STOX2: variants seen among roughly 807,000 people sequenced by gnomAD.
STOX2 encodes storkhead box 2, also known as storkhead-box protein 2.
STOX2 carries 28 observed loss-of-function variants against 60.9 expected under a neutral mutation model. The observed-to-expected ratio is 0.46, with a 90% CI of 0.34 to 0.63. The LOEUF (loss-of-function observed/expected upper bound fraction) is 0.63. Ranked by LOEUF, STOX2 falls within the 30% of genes least tolerant of loss-of-function variation. STOX2 has a pLI of 0.01. For missense variants in STOX2, 1,024 were observed against 1,187.7 expected, an observed-to-expected ratio of 0.86 and a Z score of 2.03; for synonymous variants, 472 against 463.9, an observed-to-expected ratio of 1.02 and a Z score of -0.22.
In STOX2 at chr4:183,964,492, T is replaced by C. The variant is rs548344936; in HGVS notation, c.167-36833T>C. On this transcript the variant is annotated intron_variant, in intron 1 of 3. Transcript: ENST00000308497. ...TATCTTGAGTTGAAAGTTTGTTACTTGTAGGTGGATTGTACTCTGTACTGT... is the reference window on the plus strand; with the variant it reads ...TATCTTGAGTTGAAAGTTTGTTACTCGTAGGTGGATTGTACTCTGTACTGT... Among the ~76,000 whole-genome samples the C allele has an allele frequency of 2.0e-5, 3 of 151,468 alleles. No individual in the cohort carries two copies. In the East Asian group the frequency reaches 5.8e-4, roughly 29 times the overall value.
intron 1 of STOX2, among the ~76,000 whole-genome samples, chr4:183,884,336 A>C (rs1307803085): frequency 6.6e-6 from 1 of 151,196 alleles, no homozygotes; most frequent in African/African-American, 2.4e-5. Context: ...GCAGATGTGA[A>C]TACCTTGAGC....
At chr4:183,964,152 G>C (rs1042242151) in intron 1 of STOX2, among the ~76,000 whole-genome samples, 2 of 152,128 alleles carry the variant, frequency 1.3e-5, no homozygotes, top group African/African-American at 4.8e-5. Flanking sequence ...GTGTAAAAAG[G>C]GTTTCCTAAA....
intron 1 of STOX2, among the ~76,000 whole-genome samples, chr4:183,952,630 G>A (rs950335510): frequency 3.3e-5 from 5 of 152,190 alleles, no homozygotes; most frequent in African/African-American, 9.7e-5. Flanking sequence ...TAAAATCAGT[G>A]GCAGTGACTG....
intron 1 of STOX2, among the ~76,000 whole-genome samples, chr4:183,909,721 C>A (rs1055511615): frequency 6.6e-6 from 1 of 151,704 alleles, no homozygotes; most frequent in Non-Finnish European, 1.5e-5. Context: ...CCGTACCACA[C>A]AGTAGGTGCT....
intron 2 of STOX2, among the ~76,000 whole-genome samples, chr4:184,006,036 A>G (rs949580967): frequency 6.6e-6 from 1 of 152,154 alleles, no homozygotes; most frequent in African/African-American, 2.4e-5. Context: ...TTTAATGGTA[A>G]GTAAAGATGT....
chr4:183,834,745 C>T (rs568560123), intron 1 of STOX2, among the ~76,000 whole-genome samples: 24 of 152,314 alleles, frequency 1.6e-4, no homozygotes, highest in Admixed American at 6.5e-4. Flanking sequence ...TTCAGTGTGA[C>T]GCATTCATTC....
At chr4:183,862,357 G>A (rs894245584) in intron 1 of STOX2, among the ~76,000 whole-genome samples, 3 of 152,174 alleles carry the variant, frequency 2.0e-5, no homozygotes, top group South Asian at 2.1e-4. Context: ...TGTATTTTGA[G>A]TAGAGACAGG....
At position 183,881,890 on chromosome 4, in the gene STOX2, C is replaced by T. The variant is rs115000089; in HGVS notation, c.364+83835C>T. On this transcript the variant is annotated intron_variant, in intron 1 of 2. Coordinates refer to the STOX2 transcript ENST00000513034. Reference sequence around the variant, plus strand: ...AGATCGAGACATCTTTGGGTATTCTCCATTCTAGAAGTGGAACTTAATTTG... The same window carrying T: ...AGATCGAGACATCTTTGGGTATTCTTCATTCTAGAAGTGGAACTTAATTTG... Among the ~76,000 whole-genome samples the T allele has an allele frequency of 2.1e-3, 315 of 152,246 alleles. 1 individual carries two copies. Among genetic ancestry groups the T allele is most frequent in the African/African-American group, 7.4e-3 (308 of 41,532 alleles).
intron 1 of STOX2, among the ~76,000 whole-genome samples, chr4:183,882,917 C>T (rs1233260993): frequency 6.6e-6 from 1 of 152,158 alleles, no homozygotes; most frequent in Non-Finnish European, 1.5e-5. Flanking sequence ...TATTCTTTAC[C>T]TCTGTCCAGA....
chr4:183,971,838 C>T (rs562381595), intron 1 of STOX2, among the ~76,000 whole-genome samples: 2 of 152,316 alleles, frequency 1.3e-5, no homozygotes, highest in Non-Finnish European at 2.9e-5. Flanking sequence ...ATTCTTCTTC[C>T]GAGCAAGAGG....
chr4:184,012,584 G>A (rs1489339367), intron 3 of STOX2, among the ~76,000 whole-genome samples: 1 of 152,148 alleles, frequency 6.6e-6, no homozygotes, highest in Non-Finnish European at 1.5e-5. Context: ...TAAAGGGCTG[G>A]TTCATTATTA....
intron 1 of STOX2, among the ~76,000 whole-genome samples, chr4:183,875,537 G>C (rs1055414321): frequency 6.6e-6 from 1 of 152,210 alleles, no homozygotes; most frequent in East Asian, 1.9e-4. Context: ...GTGGGAGCCC[G>C]AGGCCTGGTG....
At chr4:183,798,436 G>C (rs1210216469) in intron 1 of STOX2, among the ~76,000 whole-genome samples, 1 of 151,828 alleles carries the variant, frequency 6.6e-6, no homozygotes, top group Non-Finnish European at 1.5e-5. Flanking sequence ...TGCGCGGGCC[G>C]GGCGGAGGTG....
intron 1 of STOX2, among the ~76,000 whole-genome samples, chr4:183,813,774 G>A (rs552617808): frequency 6.6e-6 from 1 of 152,264 alleles, no homozygotes; most frequent in African/African-American, 2.4e-5. Flanking sequence ...TTGGCGGCTG[G>A]TAGTAATTTC....
chr4:183,935,146 T>C (rs1055645772), intron 1 of STOX2, among the ~76,000 whole-genome samples: 3 of 152,262 alleles, frequency 2.0e-5, no homozygotes, highest in Non-Finnish European at 4.4e-5. Flanking sequence ...TAAGTGCAGA[T>C]AATTACACAC....
In STOX2 at chr4:183,847,980, AAGG is replaced by A. The variant is rs537143732; in HGVS notation, c.364+49928_364+49930del. On this transcript the variant is annotated intron_variant, in intron 1 of 2. Coordinates refer to the STOX2 transcript ENST00000513034. ...AGAGAACTAGAGAGGAGAGAGGTTG[AAGG>A]AGAAGAAATGAGTAGGAAATGGAGG... 1.6e-4 allele frequency among the ~76,000 whole-genome samples: 25 copies of A among 152,316 alleles called. No homozygotes were observed. In the South Asian group the frequency reaches 4.6e-3, roughly 28 times the overall value.
intron 1 of STOX2, among the ~76,000 whole-genome samples, chr4:183,873,295 A>C (rs186858455): frequency 6.6e-6 from 1 of 152,216 alleles, no homozygotes; most frequent in East Asian, 1.9e-4. Flanking sequence ...TAAAATGCAA[A>C]ATTAGCCAGG....
At chr4:183,822,013 C>T (rs555104859) in intron 1 of STOX2, among the ~76,000 whole-genome samples, 1 of 152,312 alleles carries the variant, frequency 6.6e-6, no homozygotes, top group African/African-American at 2.4e-5. Context: ...GCTGGGGGTG[C>T]CTAGGTCTCT....
At chr4:183,930,562 T>C (rs138659095) in intron 1 of STOX2, among the ~76,000 whole-genome samples, 4 of 151,626 alleles carry the variant, frequency 2.6e-5, no homozygotes, top group African/African-American at 9.7e-5. Context: ...CTCATTATAT[T>C]GCCCAGGCTA....
Sources: allele counts gnomAD v4.1 joint callset (sites outside exome capture counted in the v4.1 genomes callset), GRCh38; gene constraint gnomAD v4.1.1; transcripts MANE v1.5; gene names NCBI Gene and HGNC (gene_info 2026-07-23, HGNC 2026-07-21).